Variants in RAB3GAP2 observed in about 807,000 individuals in gnomAD.
RAB3GAP2 encodes rab3 GTPase-activating protein non-catalytic subunit.
Under a neutral mutation model 185.3 loss-of-function variants are expected in RAB3GAP2, and 87 were observed. The ratio of observed to expected loss-of-function variants is 0.47; its 90% CI spans 0.39 to 0.56. RAB3GAP2 has a LOEUF of 0.56. Ranked by LOEUF, RAB3GAP2 falls within the 20% of genes least tolerant of loss-of-function variation. The probability of loss-of-function intolerance (pLI) is 0.00; values close to 1 mark genes in which losing one functional copy is unlikely to be tolerated. For missense variants in RAB3GAP2, 1,492 were observed against 1,638.2 expected (o/e 0.91, Z 1.54); for synonymous variants, 554 against 576.1 (o/e 0.96, Z 0.55).
chr1:220,209,563 G>A (rs1183385977), intron 7 of RAB3GAP2, among the ~76,000 whole-genome samples: 1 of 151,862 alleles, frequency 6.6e-6, no homozygotes, highest in Admixed American at 6.6e-5. Flanking sequence ...AATAAATTAG[G>A]TATTGCTTTA....
In RAB3GAP2 at chr1:220,157,863, C is replaced by G. The variant is rs2289189; in HGVS notation, c.3275G>C (p.Ser1092Thr). 0.093 allele frequency: 150,007 copies of G among 1,612,402 alleles called. 7,578 individuals are homozygous for G. The highest frequency in any genetic ancestry group is 0.13 in the South Asian group (12,178 of 90,982). Residue 1092 changes from serine (S) to threonine (T), a missense_variant, in exon 30 of 35, where the codon AGT (serine) becomes ACT (threonine). Ser to Thr is a moderately conservative substitution (Grantham distance 58, BLOSUM62 1). Transcript: ENST00000358951. ...DRLCRRDVGM[S>T]DTAMTSFLGS... ...GAGGAAAGATGTCATTGCTGTGTCA[C>G]TCATTCCCACATCCTGTTTTTTAAA...
chr1:220,272,044 C>G (rs1660344818), intron 1 of RAB3GAP2, among the ~76,000 whole-genome samples, 179 bp downstream of exon 1: 1 of 151,782 alleles, frequency 6.6e-6, no homozygotes, highest in African/African-American at 2.4e-5. Flanking sequence ...GAAGACAACA[C>G]AAATGGGGCT....
chr1:220,170,206 G>A (rs770273061), intron 24 of RAB3GAP2, among the ~76,000 whole-genome samples: 2 of 152,134 alleles, frequency 1.3e-5, no homozygotes, highest in African/African-American at 2.4e-5. Flanking sequence ...CTCATAAGTG[G>A]GAGTTGAAAA....
At chr1:220,154,823 C>A (rs1050638639) in intron 31 of RAB3GAP2, among the ~76,000 whole-genome samples, 1 of 150,334 alleles carries the variant, frequency 6.7e-6, no homozygotes, top group Non-Finnish European at 1.5e-5. Context: ...CTGGTTCAAG[C>A]GATTCTCCCA....
intron 1 of RAB3GAP2, among the ~76,000 whole-genome samples, chr1:220,251,813 AAT>A (rs1659937736): frequency 6.6e-6 from 1 of 152,222 alleles, no homozygotes; most frequent in Non-Finnish European, 1.5e-5. Context: ...GCAATTATTA[AAT>A]AGAGCCTAGT....
intron 1 of RAB3GAP2, chr1:220,267,005 T>C (rs1405642154): frequency 6.2e-7 from 1 of 1,611,366 alleles, no homozygotes; most frequent in Non-Finnish European, 8.5e-7. Context: ...TCATCATGCA[T>C]CCGACCTTCA....
At chr1:220,232,367 T>C (rs75562001) in intron 2 of RAB3GAP2, among the ~76,000 whole-genome samples, 10,499 of 152,236 alleles carry the variant, frequency 0.069, 486 homozygotes, top group South Asian at 0.12. Flanking sequence ...AGGTTCCTTA[T>C]TGTGGGAGTG....
intron 29 of RAB3GAP2, 83 bp from the exon 30 acceptor site, chr1:220,157,959 T>C: frequency 9.6e-7 from 1 of 1,043,680 alleles, no homozygotes; most frequent in Non-Finnish European, 1.5e-6. Context: ...CAGGATACAA[T>C]ACACTGGTTC....
chr1:220,152,420 G>A (rs1025782798), intron 33 of RAB3GAP2, among the ~76,000 whole-genome samples: 2 of 152,162 alleles, frequency 1.3e-5, no homozygotes, highest in African/African-American at 2.4e-5. Context: ...CATGGGCTCC[G>A]AGACCTAGGA....
intron 26 of RAB3GAP2, among the ~76,000 whole-genome samples, chr1:220,167,009 C>T (rs902637393): frequency 4.6e-5 from 7 of 152,172 alleles, no homozygotes; most frequent in African/African-American, 1.4e-4. Context: ...ATGCTTAAAT[C>T]CTGACACTTA....
In RAB3GAP2 at chr1:220,167,518, G is replaced by A. The variant is rs760501200; in HGVS notation, c.2964C>T (p.Asp988=). 1.2e-6 allele frequency: 2 copies of A among 1,614,070 alleles called. No homozygotes were observed. Among genetic ancestry groups the A allele is most frequent in the East Asian group, 4.5e-5 (2 of 44,870 alleles). The change falls in exon 25 of 35, where the codon GAC becomes GAT. Residue 988 remains aspartate (D), a synonymous_variant. Transcript: ENST00000358951. The stretch of plus-strand genomic sequence containing the variant: ...GTGTATCACCTGGTATGGCTCCTAA[G>A]TCCATCTCCATCTCTGATACCTCAA... The part of the protein sequence containing the change: ...SFLEVSEMEM[D]LGAIPDLLHL...
At chr1:220,160,717 C>G (rs1474329108) in intron 28 of RAB3GAP2, among the ~76,000 whole-genome samples, 1 of 152,210 alleles carries the variant, frequency 6.6e-6, no homozygotes, top group Non-Finnish European at 1.5e-5. Context: ...CTCTCACCTA[C>G]TTTTTACTGG....
intron 17 of RAB3GAP2, among the ~76,000 whole-genome samples, chr1:220,186,009 C>T (rs936120199): frequency 6.6e-6 from 1 of 151,908 alleles, no homozygotes; most frequent in African/African-American, 2.4e-5. Flanking sequence ...ACAGAATAGC[C>T]AAATCAAAAC....
At chr1:220,178,678 A>G (rs1485221603) in intron 21 of RAB3GAP2, among the ~76,000 whole-genome samples, 1 of 152,140 alleles carries the variant, frequency 6.6e-6, no homozygotes, top group Admixed American at 6.5e-5. Context: ...TAGCGAATTG[A>G]AACATACTAC....
Position 220,272,408 on chromosome 1 carries a change from C to A in RAB3GAP2, c.-71G>T. ...CCTGCCCCCTCCACCCCACTGCGGC[C>A]GCCACCGAGCCCCAATAGCTCTAGC... is the stretch of plus-strand genomic sequence containing the variant. On this transcript the variant is annotated 5_prime_UTR_variant, in exon 1 of 35. Coordinates refer to ENST00000358951, the MANE Select transcript of RAB3GAP2 (RefSeq NM_012414.4). 1.9e-6 allele frequency: 2 copies of A among 1,076,142 alleles called. No homozygotes were observed. Among genetic ancestry groups the A allele is most frequent in the Non-Finnish European group, 2.8e-6 (2 of 713,608 alleles). The allele number at this position is 1,076,142 out of a possible 1,614,324, so 66.7% of individuals were successfully genotyped here.
Position 220,216,480 on chromosome 1 carries a change from C to T in RAB3GAP2, c.181-2501G>A, listed in dbSNP as rs1160612015. 2.0e-5 allele frequency among the ~76,000 whole-genome samples: 3 copies of T among 152,176 alleles called. No homozygotes were observed. The East Asian group carries it at 5.8e-4, about 29-fold the overall frequency. ...ACTCCTCATGATGGCTTGCTGTAAGCTGAGGACAACATTACCCGATGGTTT... is the reference window on the plus strand; with the variant it reads ...ACTCCTCATGATGGCTTGCTGTAAGTTGAGGACAACATTACCCGATGGTTT... On this transcript the variant is annotated intron_variant, in intron 2 of 34. Coordinates refer to ENST00000358951, the MANE Select transcript of RAB3GAP2 (RefSeq NM_012414.4).
chr1:220,271,960 C>CA (rs1002129224), intron 1 of RAB3GAP2, among the ~76,000 whole-genome samples: 5 of 151,552 alleles, frequency 3.3e-5, no homozygotes, highest in South Asian at 4.2e-4. Flanking sequence ...CGGTGATAGG[C>CA]AGAGGCGAGA....
intron 21 of RAB3GAP2, among the ~76,000 whole-genome samples, chr1:220,175,573 A>C (rs2102861482): frequency 6.6e-6 from 1 of 152,326 alleles, no homozygotes; most frequent in South Asian, 2.1e-4. Flanking sequence ...AGCTTGGTTC[A>C]TTTCCCCATC....
intron 1 of RAB3GAP2, among the ~76,000 whole-genome samples, chr1:220,242,998 G>A (rs1032707806): frequency 6.6e-6 from 1 of 151,958 alleles, no homozygotes; most frequent in African/African-American, 2.4e-5. Flanking sequence ...ATTCATTTTC[G>A]TTTTTCAGGA....
Sources: gnomAD v4.1 joint callset for allele counts (sites outside exome capture counted in the v4.1 genomes callset) on GRCh38, gnomAD v4.1.1 for gene constraint, MANE v1.5 for transcripts, NCBI Gene and HGNC (gene_info 2026-07-23, HGNC 2026-07-21) for gene names.